Variants in ADAMTS3 observed in about 807,000 individuals in gnomAD.
ADAMTS3 encodes ADAM metallopeptidase with thrombospondin type 1 motif 3.
ADAMTS3 carries 73 observed loss-of-function variants against 129.0 expected under a neutral mutation model. The observed-to-expected ratio is 0.57, with a 90% confidence interval of 0.47 to 0.69. ADAMTS3 has a LOEUF of 0.69. Among genes scored for constraint, ADAMTS3 ranks in the 30% least tolerant of loss-of-function variants. ADAMTS3 has a pLI of 0.00. For missense variants in ADAMTS3, 1,457 were observed against 1,514.5 expected, an observed-to-expected ratio of 0.96 and a Z score of 0.63; for synonymous variants, 477 against 510.8, an observed-to-expected ratio of 0.93 and a Z score of 0.89.
chr4:72,436,759 G>C (rs1028586783), intron 3 of ADAMTS3, among the ~76,000 whole-genome samples: 2 of 150,828 alleles, frequency 1.3e-5, no homozygotes, highest in South Asian at 4.2e-4. Flanking sequence ...CGCAAGGACA[G>C]AAAACCAAAC....
intron 3 of ADAMTS3, among the ~76,000 whole-genome samples, chr4:72,457,132 A>G (rs1175321119): frequency 6.6e-6 from 1 of 151,746 alleles, no homozygotes; most frequent in Non-Finnish European, 1.5e-5. Context: ...TAGAAATTAA[A>G]ATTAGTAAAC....
chr4:72,568,677 T>C lies in ADAMTS3; in HGVS notation c.69+17A>G. The C allele has an allele frequency of 1.2e-6, 2 of 1,608,862 alleles. No homozygotes were observed. The highest frequency in any genetic ancestry group is 4.5e-5 in the East Asian group (2 of 44,822). On this transcript the variant is annotated intron_variant, in intron 1 of 21. Transcript: ENST00000286657. ...TTGGGTTTGAGTTTTTTTTTATTGTTATTATTTTCCACTTACTTGTCCATC... is the reference window on the plus strand; with the variant it reads ...TTGGGTTTGAGTTTTTTTTTATTGTCATTATTTTCCACTTACTTGTCCATC...
At chr4:72,315,835 A>C (rs1188858426) in intron 11 of ADAMTS3, 23 bp downstream of exon 11, 3 of 1,414,890 alleles carry the variant, frequency 2.1e-6, no homozygotes, top group East Asian at 2.3e-5. Context: ...TTACATATTT[A>C]TTGTGTAAAT....
intron 3 of ADAMTS3, among the ~76,000 whole-genome samples, chr4:72,465,470 G>A (rs368018828): frequency 6.6e-6 from 1 of 151,988 alleles, no homozygotes; most frequent in African/African-American, 2.4e-5. Flanking sequence ...GAGGCAGCTA[G>A]GGTGGGAGGG....
chr4:72,385,323 TA>T (rs146500188), intron 4 of ADAMTS3, among the ~76,000 whole-genome samples: 2,015 of 152,170 alleles, frequency 0.013, 47 homozygotes, highest in African/African-American at 0.046. Context: ...CAGTGGCCAT[TA>T]AAAAAATAAA....
chr4:72,521,673 A>G (rs1720675735), intron 3 of ADAMTS3, among the ~76,000 whole-genome samples: 1 of 152,136 alleles, frequency 6.6e-6, no homozygotes, highest in African/African-American at 2.4e-5. Flanking sequence ...ACATAAAAGT[A>G]CCCCAAATAG....
At chr4:72,490,587 C>G (rs1006583390) in intron 3 of ADAMTS3, among the ~76,000 whole-genome samples, 2 of 151,944 alleles carry the variant, frequency 1.3e-5, no homozygotes, top group African/African-American at 4.8e-5. Context: ...GTTTTTCCAG[C>G]ACCATTTATT....
chr4:72,318,454 A>T, intron 10 of ADAMTS3, 118 bp downstream of exon 10: 3 of 1,100,438 alleles, frequency 2.7e-6, no homozygotes, highest in Non-Finnish European at 3.9e-6. Flanking sequence ...CACAATGAAC[A>T]CAAAATAACT....
chr4:72,525,787 G>A (rs1426095059), intron 3 of ADAMTS3, among the ~76,000 whole-genome samples: 3 of 152,116 alleles, frequency 2.0e-5, no homozygotes, highest in African/African-American at 4.8e-5. Context: ...AATTACTTAA[G>A]TGATTTGATC....
In ADAMTS3 at chr4:72,414,971, C is replaced by A; in HGVS notation, c.505G>T (p.Ala169Ser). 2 of 1,493,396 alleles carry A rather than the reference C, an allele frequency of 1.3e-6. No individual in the cohort carries two copies. The highest frequency in any genetic ancestry group is 1.8e-6 in the Non-Finnish European group (2 of 1,124,808). The allele number at this position is 1,493,396 out of a possible 1,614,324, so 92.5% of individuals were successfully genotyped here. ...TCATTATCACTTTTTATCATTCCAG[C>A]CTAGAGAAAGCACAAAATGTGTTAA... ...SVAISNCDGL[A>S]GMIKSDNEEY... Residue 169 changes from alanine (A) to serine (S), a missense_variant and splice_region_variant, in exon 4 of 22, where the codon GCT (alanine) becomes TCT (serine). Transcript: ENST00000286657.
intron 3 of ADAMTS3, among the ~76,000 whole-genome samples, chr4:72,526,318 T>TAGGC (rs1720805245): frequency 1.3e-5 from 2 of 152,168 alleles, no homozygotes; most frequent in Non-Finnish European, 2.9e-5. Flanking sequence ...TGTAAGATTT[T>TAGGC]CACTAGCCCT....
intron 3 of ADAMTS3, 24 bp downstream of exon 3, chr4:72,548,454 C>G: frequency 1.2e-6 from 2 of 1,603,586 alleles, no homozygotes; most frequent in Non-Finnish European, 1.7e-6. Flanking sequence ...TGCAAACATA[C>G]GCACAAAACA....
At chr4:72,537,513 G>A (rs572699903) in intron 3 of ADAMTS3, among the ~76,000 whole-genome samples, 1 of 152,186 alleles carries the variant, frequency 6.6e-6, no homozygotes, top group South Asian at 2.1e-4. Context: ...TGCATGCCCA[G>A]GGAAAGGCAC....
intron 4 of ADAMTS3, among the ~76,000 whole-genome samples, chr4:72,379,056 C>G (rs1450845862): frequency 6.6e-6 from 1 of 152,096 alleles, no homozygotes; most frequent in East Asian, 1.9e-4. Flanking sequence ...CTCTTCTAGG[C>G]CAGTTAGAGC....
chr4:72,327,524 AG>A, intron 5 of ADAMTS3, among the ~76,000 whole-genome samples: 1 of 152,314 alleles, frequency 6.6e-6, no homozygotes, highest in East Asian at 1.9e-4. Flanking sequence ...CAAGTGCAAA[AG>A]CTCAACATAT....
chr4:72,323,645 C>T (rs1365759356), intron 5 of ADAMTS3, among the ~76,000 whole-genome samples: 3 of 152,124 alleles, frequency 2.0e-5, no homozygotes, highest in Admixed American at 2.0e-4. Context: ...GAAAGTCCTA[C>T]AAGATAGAAA....
intron 3 of ADAMTS3, among the ~76,000 whole-genome samples, chr4:72,428,063 T>C (rs1296611188): frequency 6.6e-6 from 1 of 152,024 alleles, no homozygotes; most frequent in Non-Finnish European, 1.5e-5. Flanking sequence ...TTATGGGTAC[T>C]GTGGCTTACC....
chr4:72,430,444 C>T (rs537792257), intron 3 of ADAMTS3, among the ~76,000 whole-genome samples: 1 of 152,014 alleles, frequency 6.6e-6, no homozygotes, highest in East Asian at 2.0e-4. Flanking sequence ...TCAACTCAGC[C>T]CAGGCACCAG....
intron 3 of ADAMTS3, among the ~76,000 whole-genome samples, chr4:72,479,232 C>G (rs956946659): frequency 6.6e-6 from 1 of 152,144 alleles, no homozygotes; most frequent in Non-Finnish European, 1.5e-5. Context: ...GCCCGCATTG[C>G]CAAGTCAATC....
Sources: allele counts gnomAD v4.1 joint callset (sites outside exome capture counted in the v4.1 genomes callset), GRCh38; gene constraint gnomAD v4.1.1; transcripts MANE v1.5; gene names NCBI Gene and HGNC (gene_info 2026-07-23, HGNC 2026-07-21).